Variants in DMD observed in about 807,000 individuals in gnomAD.
DMD encodes dystrophin, also known as mutant dystrophin.
DMD carries 63 observed loss-of-function variants against 330.1 expected under a neutral mutation model. The ratio of observed to expected loss-of-function variants is 0.19; its 90% confidence interval spans 0.16 to 0.24. The LOEUF is 0.24. Ranked by LOEUF, DMD falls within the 10% of genes least tolerant of loss-of-function variation. DMD has a pLI of 1.00. For synonymous variants in DMD, 1,223 were observed against 959.8 expected, an observed-to-expected ratio of 1.27 and a Z score of -5.07; for missense variants, 3,344 against 2,684.1, an observed-to-expected ratio of 1.25 and a Z score of -5.43.
intron 44 of DMD, among the ~76,000 whole-genome samples, chrX:32,017,298 A>C (rs1422998849): frequency 1.4e-4 from 16 of 112,191 alleles, no homozygotes; most frequent in Non-Finnish European, 2.4e-4. Context: ...TGCCTTCAAA[A>C]AGGGGCCAAG....
chrX:32,756,280 G>A (rs1378106543), intron 7 of DMD: 4 of 111,832 alleles, frequency 3.6e-5, no homozygotes, highest in Admixed American at 9.5e-5. Context: ...AGCTGAGAAC[G>A]TCATATTTCA....
rs763797823 is a variant in DMD, at chrX:32,348,567, T to A, written c.5326-39A>T. The A allele has an allele frequency of 1.6e-5, 18 of 1,128,417 alleles. No homozygotes were observed. The African/African-American group carries it at 3.3e-4, about 20-fold the overall frequency. 93.0% of individuals were successfully genotyped at this position (1,128,417 alleles called of 1,213,427 possible). On this transcript the variant is annotated intron_variant, in intron 37 of 78. Transcript: ENST00000357033. ...TAGTGCTACTTTAAATCAAAATTACTTTTTATTAGAAACATAAACCAAAAG... is the reference window on the plus strand; with the variant it reads ...TAGTGCTACTTTAAATCAAAATTACATTTTATTAGAAACATAAACCAAAAG...
intron 42 of DMD, among the ~76,000 whole-genome samples, chrX:32,303,653 A>T (rs950916964): frequency 7.2e-5 from 8 of 110,980 alleles, no homozygotes; most frequent in Non-Finnish European, 1.5e-4. Context: ...TTTCTAAGAA[A>T]AAAGGATTAG....
chrX:32,472,666 G>A (rs2040786675), intron 21 of DMD, among the ~76,000 whole-genome samples: 1 of 110,755 alleles, frequency 9.0e-6, no homozygotes, highest in Non-Finnish European at 1.9e-5. Context: ...AACCGAGCAG[G>A]GTCCAATTGT....
At chrX:31,485,081 T>A (rs1051462689) in intron 57 of DMD, among the ~76,000 whole-genome samples, 2 of 112,572 alleles carry the variant, frequency 1.8e-5, no homozygotes, top group Non-Finnish European at 3.8e-5. Context: ...CTTAGAATAA[T>A]TTGGAAGCCA....
At chrX:31,194,123 T>C in intron 67 of DMD, among the ~76,000 whole-genome samples, 1 of 110,876 alleles carries the variant, frequency 9.0e-6, no homozygotes, top group Non-Finnish European at 1.9e-5. Flanking sequence ...GAGGTTGCAG[T>C]GAGCCGAGAT....
At chrX:32,122,812 A>G (rs936708088) in intron 44 of DMD, among the ~76,000 whole-genome samples, 3 of 111,401 alleles carry the variant, frequency 2.7e-5, no homozygotes, top group Admixed American at 9.6e-5. Flanking sequence ...CTTCAGTGGT[A>G]GTTTTTAAAT....
At chrX:31,330,798 A>AT (rs1207396356) in intron 61 of DMD, among the ~76,000 whole-genome samples, 1 of 111,246 alleles carries the variant, frequency 9.0e-6, no homozygotes, top group Non-Finnish European at 1.9e-5. Flanking sequence ...TCCCATTCCA[A>AT]TTTTTTTCTG....
At chrX:31,565,845 G>T in intron 55 of DMD, among the ~76,000 whole-genome samples, 1 of 112,127 alleles carries the variant, frequency 8.9e-6, no homozygotes, top group East Asian at 2.8e-4. Context: ...ATTTTAATTT[G>T]CATTTCTCTA....
intron 44 of DMD, among the ~76,000 whole-genome samples, chrX:32,198,529 C>T (rs2097017414): frequency 9.0e-6 from 1 of 111,565 alleles, no homozygotes; most frequent in African/African-American, 3.3e-5. Context: ...AGGATATAAC[C>T]CCAAAGGCTG....
chrX:32,230,658 C>A (rs1194484875), intron 43 of DMD, among the ~76,000 whole-genome samples: 1 of 112,073 alleles, frequency 8.9e-6, no homozygotes, highest in African/African-American at 3.2e-5. Flanking sequence ...AATTTGAAGA[C>A]AAGCAAACGT....
chrX:32,817,361 T>C (rs1348718836), intron 5 of DMD, among the ~76,000 whole-genome samples: 2 of 111,932 alleles, frequency 1.8e-5, no homozygotes, highest in Non-Finnish European at 3.8e-5. Context: ...TTGGTTTCCA[T>C]GTATTTGATT....
intron 37 of DMD, among the ~76,000 whole-genome samples, chrX:32,360,162 G>C (rs996785475): frequency 7.2e-5 from 8 of 111,791 alleles, no homozygotes; most frequent in Non-Finnish European, 1.9e-5. Flanking sequence ...AGATGAATTA[G>C]TGTTAAACAT....
intron 7 of DMD, among the ~76,000 whole-genome samples, chrX:32,733,790 A>G (rs1432051737): frequency 1.9e-5 from 2 of 105,569 alleles, no homozygotes; most frequent in African/African-American, 7.0e-5. Flanking sequence ...TTATAGCACT[A>G]AATGCCCACA....
chrX:32,113,830 A>T (rs1482173041), intron 44 of DMD, among the ~76,000 whole-genome samples: 1 of 111,819 alleles, frequency 8.9e-6, no homozygotes, highest in Admixed American at 9.6e-5. Flanking sequence ...CTCAGACACA[A>T]ATTATATTAT....
At chrX:32,331,533 C>T (rs771652255) in intron 41 of DMD, among the ~76,000 whole-genome samples, 10 of 111,191 alleles carry the variant, frequency 9.0e-5, no homozygotes, top group Non-Finnish European at 1.5e-4. Flanking sequence ...GAAGAATGTG[C>T]TAAATTTCCA....
intron 1 of DMD, among the ~76,000 whole-genome samples, chrX:33,066,448 A>AAAG (rs2094660366): frequency 1.5e-5 from 1 of 65,701 alleles, no homozygotes; most frequent in Non-Finnish European, 2.5e-5. Context: ...GACTCTGTCA[A>AAAG]AAAAAAAAAA....
chrX:32,124,966 A>G (rs1847845390), intron 44 of DMD, among the ~76,000 whole-genome samples: 2 of 81,114 alleles, frequency 2.5e-5, no homozygotes, highest in African/African-American at 3.8e-5. Context: ...GAGAAATCTA[A>G]AAAAAAAAAA....
chrX:31,695,237 G>A lies in DMD; in HGVS notation c.7661-15651C>T, dbSNP rs896704658. ...AAAAATTAAAACTATTGAACTCATG[G>A]AGACAGAATAAAAGGATGGTTACCA... On this transcript the variant is annotated intron_variant, in intron 52 of 78. Coordinates refer to ENST00000357033, the MANE Select transcript of DMD (RefSeq NM_004006.3). Among the ~76,000 whole-genome samples, 4 of 110,758 alleles carry A rather than the reference G, an allele frequency of 3.6e-5. 1 individual carries two copies. The highest frequency in any genetic ancestry group is 7.6e-5 in the Non-Finnish European group (4 of 52,757).
Sources: gnomAD v4.1 joint callset for allele counts (sites outside exome capture counted in the v4.1 genomes callset) on GRCh38, gnomAD v4.1.1 for gene constraint, MANE v1.5 for transcripts, NCBI Gene and HGNC (gene_info 2026-07-23, HGNC 2026-07-21) for gene names.